The following CDH23 variants were observed in gnomAD, a reference collection of about 807,000 sequenced individuals.
CDH23 encodes cadherin-23.
CDH23 carries 189 observed loss-of-function variants against 317.1 expected under a neutral mutation model. That is an observed-to-expected ratio of 0.60 (90% CI 0.53 to 0.67). The LOEUF (loss-of-function observed/expected upper bound fraction) is 0.67. Among genes scored for constraint, CDH23 ranks in the 30% least tolerant of loss-of-function variants. The pLI, the probability that CDH23 is intolerant of heterozygous loss-of-function variation, is 0.00. For missense variants in CDH23, 4,401 were observed against 4,592.4 expected, an observed-to-expected ratio of 0.96 and a Z score of 1.20; for synonymous variants, 1,839 against 1,876.8, an observed-to-expected ratio of 0.98 and a Z score of 0.52.
Position 71,777,904 on chromosome 10 carries a change from C to A in CDH23, c.5067+3C>A. The stretch of plus-strand genomic sequence containing the variant: ...CCTTCCGCATCGACAGACACATGGT[C>A]AGCAGCTGATGGCAGGATCAAGACA... On this transcript the variant is annotated splice_donor_region_variant and intron_variant, in intron 39 of 69. Coordinates refer to ENST00000224721, the MANE Select transcript of CDH23 (RefSeq NM_022124.6). The A allele has an allele frequency of 1.2e-6, 2 of 1,613,762 alleles. No individual in the cohort carries two copies. Among genetic ancestry groups the A allele is most frequent in the South Asian group, 2.2e-5 (2 of 90,970 alleles).
chr10:71,760,314 C>CAT lies in CDH23; in HGVS notation c.4846-17349_4846-17348dup, dbSNP rs71018220. On this transcript the variant is annotated intron_variant, in intron 38 of 69. Coordinates refer to ENST00000224721, the MANE Select transcript of CDH23 (RefSeq NM_022124.6). ...GTGTATATATATGTATATACACACA[C>CAT]ATATATATATATATATATCCCTGAG... is the stretch of plus-strand genomic sequence containing the variant. 3.6e-3 allele frequency among the ~76,000 whole-genome samples: 296 copies of CAT among 82,424 alleles called. 35 individuals carry two copies. Among genetic ancestry groups the CAT allele is most frequent in the African/African-American group, 4.1e-3 (118 of 28,866 alleles). The allele number at this position is 82,424 out of a possible 152,430, so 54.1% of individuals were successfully genotyped here. A position where few individuals can be genotyped will look rare whatever the true frequency, so the allele number is the denominator to read the frequency against.
At chr10:71,730,347 G>A (rs1839329270) in intron 30 of CDH23, 122 bp from the exon 31 acceptor site, 1 of 1,295,590 alleles carries the variant, frequency 7.7e-7, no homozygotes, top group Non-Finnish European at 1.1e-6. Context: ...TGGGGTCCTA[G>A]AGGGAGCTCA....
intron 6 of CDH23, among the ~76,000 whole-genome samples, chr10:71,538,533 CCT>C (rs934393239): frequency 6.6e-6 from 1 of 152,212 alleles, no homozygotes; most frequent in Non-Finnish European, 1.5e-5. Context: ...TTCCTGCTTC[CCT>C]GTCATGTCCA....
chr10:71,630,934 A>G (rs1861982744), intron 11 of CDH23, among the ~76,000 whole-genome samples: 2 of 152,146 alleles, frequency 1.3e-5, no homozygotes, highest in South Asian at 4.1e-4. Flanking sequence ...AGTGTTGCCA[A>G]CACCCAGATT....
At chr10:71,458,881 G>A (rs1323484186) in intron 3 of CDH23, among the ~76,000 whole-genome samples, 10 of 152,124 alleles carry the variant, frequency 6.6e-5, no homozygotes, top group Admixed American at 3.3e-4. Flanking sequence ...TCCACCTCCC[G>A]GGTTCACGCG....
intron 1 of CDH23, among the ~76,000 whole-genome samples, chr10:71,425,004 G>T (rs762656020): frequency 3.3e-5 from 5 of 152,066 alleles, no homozygotes; most frequent in African/African-American, 7.2e-5. Flanking sequence ...AGACAAGGAC[G>T]CTGAGGCCTG....
intron 34 of CDH23, among the ~76,000 whole-genome samples, chr10:71,736,721 G>C (rs1839576586): frequency 6.6e-6 from 1 of 152,236 alleles, no homozygotes; most frequent in African/African-American, 2.4e-5. Context: ...AACACCTGCT[G>C]TGTCCCAGGC....
In CDH23 at chr10:71,806,749, G is replaced by T. The variant is rs1841739444; in HGVS notation, c.8178+468G>T. On this transcript the variant is annotated intron_variant, in intron 57 of 69. Coordinates refer to ENST00000224721, the MANE Select transcript of CDH23 (RefSeq NM_022124.6). Reference sequence around the variant, plus strand: ...CCGCCACCATGCCCAGCTAATTTTTGTATTTCTAGTAGAGACGGGTTTTTG... The same window carrying T: ...CCGCCACCATGCCCAGCTAATTTTTTTATTTCTAGTAGAGACGGGTTTTTG... Among the ~76,000 whole-genome samples, 3 of 152,098 alleles carry T rather than the reference G, an allele frequency of 2.0e-5. No homozygotes were observed. The South Asian group carries it at 6.2e-4, about 32-fold the overall frequency.
At position 71,673,832 on chromosome 10, in the gene CDH23, C is replaced by T. The variant is rs1012132653; in HGVS notation, c.1450-1280C>T. Among the ~76,000 whole-genome samples, 103 of 152,124 alleles carry T rather than the reference C, an allele frequency of 6.8e-4. 2 individuals carry two copies. The highest frequency in any genetic ancestry group is 2.9e-5 in the Non-Finnish European group (2 of 68,020). ...TGCAGGAGCCAGCAGTCGCTGCTGC[C>T]GTTGTGAGGAATGGCACAGGCAGTG... On this transcript the variant is annotated intron_variant, in intron 14 of 69. Coordinates refer to ENST00000224721, the MANE Select transcript of CDH23 (RefSeq NM_022124.6).
At chr10:71,725,583 G>A (rs1866775764) in intron 30 of CDH23, 63 bp downstream of exon 30, 16 of 1,550,436 alleles carry the variant, frequency 1.0e-5, no homozygotes, top group African/African-American at 2.7e-5. Context: ...AGCTAGAACA[G>A]AGAAGGCCAT....
intron 9 of CDH23, among the ~76,000 whole-genome samples, chr10:71,597,058 C>A (rs529134187): frequency 1.2e-4 from 19 of 152,326 alleles, no homozygotes; most frequent in Middle Eastern, 3.4e-3. Context: ...GGGAACTCTG[C>A]CTCATCATCT....
chr10:71,477,328 C>G (rs1015668049), intron 3 of CDH23, among the ~76,000 whole-genome samples: 37 of 152,170 alleles, frequency 2.4e-4, no homozygotes, highest in Admixed American at 2.1e-3. Flanking sequence ...GCCACCATGC[C>G]CGGCTAATTT....
chr10:71,562,268 T>C (rs1857171073), intron 6 of CDH23, among the ~76,000 whole-genome samples: 1 of 152,194 alleles, frequency 6.6e-6, no homozygotes, highest in African/African-American at 2.4e-5. Flanking sequence ...GTGAAGTCCA[T>C]GATCAAGCCA....
chr10:71,492,307 T>C (rs1852707618), intron 3 of CDH23, among the ~76,000 whole-genome samples: 1 of 152,240 alleles, frequency 6.6e-6, no homozygotes, highest in Non-Finnish European at 1.5e-5. Flanking sequence ...CTTCTAGCTC[T>C]GTCTATACTA....
chr10:71,741,890 C>T lies in CDH23; in HGVS notation c.4814C>T (p.Thr1605Ile). 6.2e-7 allele frequency: 1 copy of T among 1,607,358 alleles called. No homozygotes were observed. Among genetic ancestry groups the T allele is most frequent in the Non-Finnish European group, 8.5e-7 (1 of 1,177,138 alleles). The change falls in exon 38 of 70, where the codon ACT (threonine) becomes ATT (isoleucine). Residue 1605 changes from threonine to isoleucine, a missense_variant. Thr to Ile is a moderately conservative substitution (Grantham distance 89, BLOSUM62 -1). Coordinates refer to ENST00000224721, the MANE Select transcript of CDH23 (RefSeq NM_022124.6). ...ERQSFYHLVATVEDEGTPTLS... is the reference protein window; with the variant it reads ...ERQSFYHLVAIVEDEGTPTLS... ...CAGAGCTTCTACCACCTGGTGGCCACTGTGGAGGACGAGGGCACCCCAACC... is the reference window on the plus strand; with the variant it reads ...CAGAGCTTCTACCACCTGGTGGCCATTGTGGAGGACGAGGGCACCCCAACC...
intron 1 of CDH23, among the ~76,000 whole-genome samples, chr10:71,437,164 G>A (rs189215306): frequency 3.3e-5 from 5 of 152,330 alleles, no homozygotes; most frequent in East Asian, 3.9e-4. Context: ...ATATACTGCT[G>A]GTGGGACTGA....
At chr10:71,759,852 C>CAT (rs1361097762) in intron 38 of CDH23, among the ~76,000 whole-genome samples, 1 of 76,908 alleles carries the variant, frequency 1.3e-5, no homozygotes, top group African/African-American at 5.5e-5. Context: ...CACACATATA[C>CAT]ACACACACAC....
chr10:71,797,992 A>G (rs1372464381), intron 49 of CDH23, among the ~76,000 whole-genome samples: 1 of 152,188 alleles, frequency 6.6e-6, no homozygotes, highest in African/African-American at 2.4e-5. Flanking sequence ...CTTCCATGTC[A>G]GAGGCTCAGA....
At chr10:71,739,263 G>C (rs1360538919) in intron 35 of CDH23, among the ~76,000 whole-genome samples, 1 of 152,182 alleles carries the variant, frequency 6.6e-6, no homozygotes, top group Non-Finnish European at 1.5e-5. Flanking sequence ...ACTGAGAACA[G>C]TTGCTTTCTG....
Sources: gnomAD v4.1 joint callset for allele counts (sites outside exome capture counted in the v4.1 genomes callset) on GRCh38, gnomAD v4.1.1 for gene constraint, MANE v1.5 for transcripts, NCBI Gene and HGNC (gene_info 2026-07-23, HGNC 2026-07-21) for gene names.